Variants in PNPLA1 observed in about 807,000 individuals in gnomAD.
PNPLA1 encodes patatin like domain 1, omega-hydroxyceramide transacylase, also known as omega-hydroxyceramide transacylase.
In PNPLA1, 36 loss-of-function variants were observed where a neutral mutation model predicts 51.7. The observed-to-expected ratio is 0.70, with a 90% CI of 0.53 to 0.92. The LOEUF (loss-of-function observed/expected upper bound fraction) is 0.92. PNPLA1 is among the 40% of genes least tolerant of loss of function. The pLI, the probability that PNPLA1 is intolerant of heterozygous loss-of-function variation, is 0.00. For synonymous variants in PNPLA1, 293 were observed against 280.1 expected (o/e 1.05, Z -0.46); for missense variants, 658 against 682.5 (o/e 0.96, Z 0.40).
Position 36,283,432 on chromosome 6 carries a change from C to G in PNPLA1, c.206-7888C>G, listed in dbSNP as rs533282563. Among the ~76,000 whole-genome samples the G allele has an allele frequency of 5.9e-5, 9 of 152,130 alleles. No individual in the cohort carries two copies. The South Asian group carries it at 8.3e-4, about 14-fold the overall frequency. Reference sequence around the variant, plus strand: ...AAACCTCCAGACTTTTTTTGGTTCCCCTGAGTTAGGAGTTCACCCATGAAT... The same window carrying G: ...AAACCTCCAGACTTTTTTTGGTTCCGCTGAGTTAGGAGTTCACCCATGAAT... On this transcript the variant is annotated intron_variant, in intron 1 of 8. Coordinates refer to ENST00000636260, the MANE Select transcript of PNPLA1 (RefSeq NM_001374623.1).
In PNPLA1 at chr6:36,306,338, G is replaced by A. The variant is rs143723135; in HGVS notation, c.1431G>A (p.Leu477=). The A allele has an allele frequency of 1.5e-5, 24 of 1,613,028 alleles. No individual in the cohort carries two copies. The Admixed American group carries it at 3.5e-4, about 24-fold the overall frequency. The stretch of plus-strand genomic sequence containing the variant: ...CAAAACCAAAAAGCGCCGTGCCTCT[G>A]GTTCATGTGAAGGAAACCGTCAGCA... The part of the protein sequence containing the change: ...VSSKPKSAVP[L]VHVKETVSKP... Residue 477 remains leucine (L), a synonymous_variant, in exon 7 of 9, where the codon CTG becomes CTA. Transcript: ENST00000636260.
intron 1 of PNPLA1, among the ~76,000 whole-genome samples, chr6:36,259,941 G>A (rs1769611629): frequency 6.6e-6 from 1 of 151,928 alleles, no homozygotes; most frequent in Non-Finnish European, 1.5e-5. Context: ...ATGTACCCAG[G>A]TAACAAATCT....
At chr6:36,277,188 C>T (rs112704412) in intron 1 of PNPLA1, among the ~76,000 whole-genome samples, 77 of 152,294 alleles carry the variant, frequency 5.1e-4, no homozygotes, top group African/African-American at 1.7e-3. Flanking sequence ...AGTCAACTGA[C>T]GTCAGGAGTT....
chr6:36,298,826 C>T (rs1216947555), intron 5 of PNPLA1, among the ~76,000 whole-genome samples: 1 of 152,202 alleles, frequency 6.6e-6, no homozygotes, highest in Non-Finnish European at 1.5e-5. Context: ...GCAACCTCTG[C>T]CACCTGGGTT....
intron 2 of PNPLA1, 88 bp downstream of exon 2, chr6:36,291,640 T>C (rs1274996144): frequency 8.8e-7 from 1 of 1,132,114 alleles, no homozygotes; most frequent in Non-Finnish European, 1.3e-6. Flanking sequence ...CCCGATGCCT[T>C]ATCCACCTGC....
intron 1 of PNPLA1, among the ~76,000 whole-genome samples, chr6:36,250,551 C>G (rs1769398816): frequency 6.6e-6 from 1 of 152,198 alleles, no homozygotes; most frequent in Admixed American, 6.5e-5. Flanking sequence ...CTGAGTTCAT[C>G]CTGTCTCATA....
At chr6:36,296,916 TG>T (rs1770874965) in intron 5 of PNPLA1, among the ~76,000 whole-genome samples, 1 of 152,238 alleles carries the variant, frequency 6.6e-6, no homozygotes, top group Non-Finnish European at 1.5e-5. Flanking sequence ...ATTAATCTCC[TG>T]GGGCCTCAGT....
intron 1 of PNPLA1, among the ~76,000 whole-genome samples, chr6:36,276,246 A>G (rs191974395): frequency 1.3e-3 from 203 of 152,262 alleles, no homozygotes; most frequent in Middle Eastern, 0.01. Context: ...GGCGTGAGCC[A>G]CCGCACCCAG....
At position 36,306,334 on chromosome 6, in the gene PNPLA1, C is replaced by T. The variant is rs766844556; in HGVS notation, c.1427C>T (p.Pro476Leu). Residue 476 changes from proline (P) to leucine (L), a missense_variant, in exon 7 of 9, where the codon CCT (proline) becomes CTT (leucine). Transcript: ENST00000636260. ...LVSSKPKSAV[P>L]LVHVKETVSK... ...TCTTCAAAACCAAAAAGCGCCGTGC[C>T]TCTGGTTCATGTGAAGGAAACCGTC... The T allele has an allele frequency of 6.2e-7, 1 of 1,613,228 alleles. No homozygotes were observed. Among genetic ancestry groups the T allele is most frequent in the Non-Finnish European group, 8.5e-7 (1 of 1,179,722 alleles).
At chr6:36,255,104 T>C (rs1317935911) in intron 1 of PNPLA1, among the ~76,000 whole-genome samples, 1 of 152,290 alleles carries the variant, frequency 6.6e-6, no homozygotes, top group African/African-American at 2.4e-5. Context: ...AAAAATCTAA[T>C]GCCCGTAATC....
In PNPLA1 at chr6:36,306,371, T is replaced by A. The variant is rs45621032; in HGVS notation, c.1464T>A (p.Tyr488Ter). ...VHVKETVSKP[Y>*]VTESPAEDSN... ...TGAAGGAAACCGTCAGCAAGCCTTA[T>A]GTAACGTAAGTTTCCCCTTCGTGGA... Residue 488 changes from tyrosine (Y) to a stop codon, truncating the protein, a stop_gained, in exon 7 of 9, where the codon TAT (tyrosine) becomes TAA (stop). Transcript: ENST00000636260. LOFTEE classifies it high-confidence loss of function. 0.015 allele frequency: 24,892 copies of A among 1,610,946 alleles called. 243 individuals carry two copies. Among genetic ancestry groups the A allele is most frequent in the Non-Finnish European group, 0.019 (21,967 of 1,178,926 alleles).
intron 1 of PNPLA1, among the ~76,000 whole-genome samples, chr6:36,243,447 T>G (rs1470013128): frequency 6.6e-6 from 1 of 152,210 alleles, no homozygotes; most frequent in Non-Finnish European, 1.5e-5. Context: ...AGGGACCTAC[T>G]GCCTGAGAGG....
At chr6:36,244,485 T>C (rs1769221173) in intron 1 of PNPLA1, among the ~76,000 whole-genome samples, 1 of 152,148 alleles carries the variant, frequency 6.6e-6, no homozygotes, top group Admixed American at 6.5e-5. Flanking sequence ...TTCTGCTTTA[T>C]TATCTGCATA....
intron 6 of PNPLA1, among the ~76,000 whole-genome samples, chr6:36,303,237 GAT>G (rs1309272592): frequency 3.3e-5 from 5 of 152,106 alleles, no homozygotes; most frequent in Non-Finnish European, 5.9e-5. Flanking sequence ...TGGGACTACA[GAT>G]GCCCGCCACC....
intron 1 of PNPLA1, among the ~76,000 whole-genome samples, chr6:36,264,800 A>G (rs1321677318): frequency 6.6e-6 from 1 of 152,224 alleles, no homozygotes. Flanking sequence ...TTTAGACTGC[A>G]TGAATAATCT....
intron 1 of PNPLA1, among the ~76,000 whole-genome samples, chr6:36,286,042 A>G (rs1770477910): frequency 6.6e-6 from 1 of 152,240 alleles, no homozygotes; most frequent in East Asian, 1.9e-4. Flanking sequence ...GCAGTCTGAG[A>G]GTCTGAATCA....
intron 1 of PNPLA1, 68 bp downstream of exon 1, chr6:36,270,732 A>AG: frequency 1.3e-6 from 2 of 1,516,270 alleles, no homozygotes; most frequent in Admixed American, 2.0e-5. Context: ...AAGGAGCGTG[A>AG]GGGAGGCTGG....
chr6:36,244,225 A>C (rs1440833442), intron 1 of PNPLA1, among the ~76,000 whole-genome samples: 1 of 152,042 alleles, frequency 6.6e-6, no homozygotes, highest in African/African-American at 2.4e-5. Flanking sequence ...TACAGTGATA[A>C]TCCTCTTCCT....
chr6:36,299,214 A>G (rs1433707149), intron 5 of PNPLA1, among the ~76,000 whole-genome samples: 1 of 152,042 alleles, frequency 6.6e-6, no homozygotes, highest in East Asian at 1.9e-4. Context: ...TATATGTTTG[A>G]CTTTTTAATA....
Sources: allele counts gnomAD v4.1 joint callset (sites outside exome capture counted in the v4.1 genomes callset), GRCh38; gene constraint gnomAD v4.1.1; transcripts MANE v1.5; gene names NCBI Gene and HGNC (gene_info 2026-07-23, HGNC 2026-07-21).